TNFSF4: variants seen among roughly 807,000 people sequenced by gnomAD.
TNFSF4 encodes tumor necrosis factor ligand superfamily member 4.
TNFSF4 carries 4 observed loss-of-function variants against 7.3 expected under a neutral mutation model. The ratio of observed to expected loss-of-function variants is 0.55; its 90% CI spans 0.27 to 1.25. The LOEUF is 1.25. TNFSF4 is among the 50% of genes most tolerant of loss of function. TNFSF4 has a pLI of 0.12. For synonymous variants in TNFSF4, 76 were observed against 83.7 expected, an observed-to-expected ratio of 0.91 and a Z score of 0.50; for missense variants, 181 against 208.8, an observed-to-expected ratio of 0.87 and a Z score of 0.82.
At chr1:173,322,311 T>C in the TNFSF4 span, among the ~76,000 whole-genome samples, 29,046 of 151,760 alleles carry the variant, frequency 0.19, 4,921 homozygotes, top group African/African-American at 0.45. Context: ...TTAAGCCCCA[T>C]GTGCATTAGC....
chr1:173,407,183 G>A, the TNFSF4 span, among the ~76,000 whole-genome samples: 1 of 152,024 alleles, frequency 6.6e-6, no homozygotes, highest in Non-Finnish European at 1.5e-5. Flanking sequence ...GGGTGTTGGG[G>A]CCCAAGAAGG....
chr1:173,379,641 G>A, the TNFSF4 span, among the ~76,000 whole-genome samples: 2 of 152,206 alleles, frequency 1.3e-5, no homozygotes, highest in Non-Finnish European at 2.9e-5. Context: ...CAACCTCAGT[G>A]TTCTGTAATA....
the TNFSF4 span, chr1:173,440,875 A>G: frequency 6.6e-6 from 1 of 152,220 alleles, no homozygotes; most frequent in Non-Finnish European, 1.5e-5. Flanking sequence ...AGCAAAATAC[A>G]GGCTATACAT....
At chr1:173,275,186 C>T in the TNFSF4 span, among the ~76,000 whole-genome samples, 34 of 152,202 alleles carry the variant, frequency 2.2e-4, no homozygotes, top group African/African-American at 7.5e-4. Context: ...CCCTAAGTCC[C>T]ATCAGGGAAG....
chr1:173,431,561 A>C, the TNFSF4 span, among the ~76,000 whole-genome samples: 1 of 152,204 alleles, frequency 6.6e-6, no homozygotes, highest in Non-Finnish European at 1.5e-5. Context: ...CCAACTGACC[A>C]AACCAACTGC....
the TNFSF4 span, among the ~76,000 whole-genome samples, chr1:173,228,888 T>G: frequency 6.6e-6 from 1 of 150,962 alleles, no homozygotes; most frequent in South Asian, 2.1e-4. Flanking sequence ...GAAAAAAGAG[T>G]AAAAAGAAAT....
chr1:173,221,755 C>A, the TNFSF4 span, among the ~76,000 whole-genome samples: 33 of 152,276 alleles, frequency 2.2e-4, 2 homozygotes, highest in Admixed American at 1.4e-3. Flanking sequence ...AACTAAAGCA[C>A]AGAGAGGTTA....
At chr1:173,269,030 C>T in the TNFSF4 span, among the ~76,000 whole-genome samples, 2 of 151,996 alleles carry the variant, frequency 1.3e-5, no homozygotes, top group African/African-American at 4.8e-5. Flanking sequence ...TAGAGTACAA[C>T]GTTTACTCTC....
the TNFSF4 span, among the ~76,000 whole-genome samples, chr1:173,447,721 CAG>C: frequency 2.0e-5 from 3 of 151,824 alleles, no homozygotes; most frequent in East Asian, 1.9e-4. Flanking sequence ...AAAGGGAAAA[CAG>C]AGGAATTAAA....
At chr1:173,359,729 C>CA in the TNFSF4 span, among the ~76,000 whole-genome samples, 96,320 of 151,948 alleles carry the variant, frequency 0.63, 30,707 homozygotes, top group Admixed American at 0.69. Flanking sequence ...TTTCTTAAAC[C>CA]ACTAGCCTTT....
the TNFSF4 span, among the ~76,000 whole-genome samples, chr1:173,343,009 A>C: frequency 1.1e-4 from 16 of 152,332 alleles, no homozygotes; most frequent in Non-Finnish European, 2.4e-4. Flanking sequence ...GTGGTGGTGC[A>C]ATAAGGGATC....
chr1:173,177,598 T>A, the TNFSF4 span, among the ~76,000 whole-genome samples: 8 of 152,278 alleles, frequency 5.3e-5, no homozygotes, highest in South Asian at 2.1e-4. Flanking sequence ...AAATTTTTTT[T>A]AAAATAAAAA....
chr1:173,429,077 A>C, the TNFSF4 span, among the ~76,000 whole-genome samples: 1 of 152,164 alleles, frequency 6.6e-6, no homozygotes, highest in African/African-American at 2.4e-5. Flanking sequence ...AGGAGAGAGG[A>C]TATGTGTAAA....
chr1:173,306,897 CCTTTAGA>C, the TNFSF4 span, among the ~76,000 whole-genome samples: 1 of 151,880 alleles, frequency 6.6e-6, no homozygotes, highest in Admixed American at 6.6e-5. Context: ...CCAACTCTCA[CCTTTAGA>C]CTTTGCAGCT....
chr1:173,342,511 T>C, the TNFSF4 span, among the ~76,000 whole-genome samples: 1 of 149,770 alleles, frequency 6.7e-6, no homozygotes, highest in East Asian at 2.1e-4. Context: ...GAATGATGCA[T>C]TATGCAAAAA....
At chr1:173,441,591 T>C in the TNFSF4 span, among the ~76,000 whole-genome samples, 3 of 152,180 alleles carry the variant, frequency 2.0e-5, no homozygotes, top group Admixed American at 6.5e-5. Flanking sequence ...GCCACTGCAC[T>C]CCAGCCTGGG....
the TNFSF4 span, among the ~76,000 whole-genome samples, chr1:173,372,442 A>G: frequency 6.6e-6 from 1 of 152,180 alleles, no homozygotes; most frequent in African/African-American, 2.4e-5. Context: ...CAAAACTTAT[A>G]TTTATACATC....
At chr1:173,309,060 T>G in the TNFSF4 span, among the ~76,000 whole-genome samples, 1 of 152,102 alleles carries the variant, frequency 6.6e-6, no homozygotes, top group African/African-American at 2.4e-5. Flanking sequence ...GAAGATCTTA[T>G]GGGGTGGGGC....
At chr1:173,410,178 T>C in the TNFSF4 span, among the ~76,000 whole-genome samples, 2 of 152,082 alleles carry the variant, frequency 1.3e-5, no homozygotes, top group Non-Finnish European at 2.9e-5. Flanking sequence ...ATTGCACCAC[T>C]GCACTCCAGC....
Sources: allele counts gnomAD v4.1 joint callset (sites outside exome capture counted in the v4.1 genomes callset), GRCh38; gene constraint gnomAD v4.1.1; transcripts MANE v1.5; gene names NCBI Gene and HGNC (gene_info 2026-07-23, HGNC 2026-07-21).